Variants in PPHLN1 observed in about 807,000 individuals in gnomAD.
PPHLN1 encodes the protein periphilin-1.
PPHLN1 carries 29 observed loss-of-function variants against 51.3 expected under a neutral mutation model. The observed-to-expected ratio is 0.57, with a 90% CI of 0.42 to 0.77. The LOEUF is 0.77. Ranked by LOEUF, PPHLN1 falls within the 30% of genes least tolerant of loss-of-function variation. The pLI is 0.00. For missense variants in PPHLN1, 436 were observed against 438.4 expected (o/e 0.99, Z 0.05); for synonymous variants, 147 against 147.8 (o/e 0.99, Z 0.04).
downstream of PPHLN1, chr12:42,445,884 A>G: frequency 7.1e-7 from 1 of 1,410,464 alleles, no homozygotes. Context: ...CTGCAGTTTT[A>G]TGGAAAGATG....
intron 9 of PPHLN1, among the ~76,000 whole-genome samples, chr12:42,420,570 A>G (rs1446485560): frequency 6.6e-6 from 1 of 151,238 alleles, no homozygotes; most frequent in Non-Finnish European, 1.5e-5. Context: ...TCCCAGGTTC[A>G]AGTGATTCTC....
chr12:42,369,051 T>A (rs372198436), intron 4 of PPHLN1, among the ~76,000 whole-genome samples: 31 of 152,296 alleles, frequency 2.0e-4, no homozygotes, highest in Middle Eastern at 3.4e-3. Flanking sequence ...TAAAATTATA[T>A]TGGAACACAG....
At chr12:42,413,560 G>A (rs970551191) in intron 9 of PPHLN1, among the ~76,000 whole-genome samples, 20 of 126,288 alleles carry the variant, frequency 1.6e-4, no homozygotes, top group Non-Finnish European at 3.3e-4. Flanking sequence ...GTGTGTGTGT[G>A]TGTGTGTGTG....
At chr12:42,366,165 A>G (rs75302156) in intron 4 of PPHLN1, among the ~76,000 whole-genome samples, 2 of 152,156 alleles carry the variant, frequency 1.3e-5, no homozygotes, top group East Asian at 1.9e-4. Context: ...TACTTGCACA[A>G]AGAAAATTAT....
intron 9 of PPHLN1, among the ~76,000 whole-genome samples, chr12:42,422,452 C>G (rs1396762091): frequency 1.3e-5 from 2 of 152,210 alleles, no homozygotes; most frequent in African/African-American, 2.4e-5. Context: ...CGTACTGTTT[C>G]TTTTGGCTCT....
At position 42,326,205 on chromosome 12, in the gene PPHLN1, G is replaced by C. The variant is rs1275395973; in HGVS notation, c.-45G>C. Reference sequence around the variant, plus strand: ...GCGGCGAGCGGACGGCTGCATTTACGGGGTCTCCCGGAGGGCCAGAGTCGG... The same window carrying C: ...GCGGCGAGCGGACGGCTGCATTTACCGGGTCTCCCGGAGGGCCAGAGTCGG... On this transcript the variant is annotated 5_prime_UTR_variant, in exon 1 of 10. Coordinates refer to ENST00000358314, the MANE Select transcript of PPHLN1 (RefSeq NM_201439.2). 1 of 152,352 alleles carries C rather than the reference G, an allele frequency of 6.6e-6. No individual in the cohort carries two copies. Among genetic ancestry groups the C allele is most frequent in the Non-Finnish European group, 1.5e-5 (1 of 68,154 alleles). 9.4% of individuals were successfully genotyped at this position (152,352 alleles called of 1,614,324 possible).
chr12:42,343,249 G>C (rs11181441), intron 2 of PPHLN1, among the ~76,000 whole-genome samples: 24,666 of 151,848 alleles, frequency 0.16, 2,044 homozygotes, highest in Admixed American at 0.2. Context: ...ATCTTCACAG[G>C]CATATTTAAA....
intron 7 of PPHLN1, among the ~76,000 whole-genome samples, chr12:42,388,860 T>C (rs938713836): frequency 6.6e-6 from 1 of 152,198 alleles, no homozygotes; most frequent in East Asian, 1.9e-4. Context: ...GAGGATCACT[T>C]GAGCCCAGGA....
chr12:42,438,613 G>GT (rs1302149777), intron 9 of PPHLN1, among the ~76,000 whole-genome samples: 2 of 151,816 alleles, frequency 1.3e-5, no homozygotes, highest in African/African-American at 2.4e-5. Flanking sequence ...TTTTTGTTTT[G>GT]TTTTTTGAGA....
rs1004561872 is a variant in PPHLN1 at position 42,344,000 on chromosome 12, C to T, written c.73-7885C>T. On this transcript the variant is annotated intron_variant, in intron 2 of 9. Transcript: ENST00000358314. ...AATTACAAGCTTATGAAAGCAAAAG[C>T]CTACCAGCCTGTGTAATAGAATATT... The T allele has an allele frequency of 9.5e-5, 32 of 337,642 alleles. 1 individual carries two copies. Among genetic ancestry groups the T allele is most frequent in the African/African-American group, 5.9e-4 (26 of 44,348 alleles). 20.9% of individuals were successfully genotyped at this position (337,642 alleles called of 1,614,324 possible). A position where few individuals can be genotyped will look rare whatever the true frequency, so the allele number is the denominator to read the frequency against.
At chr12:42,421,791 ATTTTG>A (rs932709892) in intron 9 of PPHLN1, among the ~76,000 whole-genome samples, 1 of 152,074 alleles carries the variant, frequency 6.6e-6, no homozygotes, top group African/African-American at 2.4e-5. Flanking sequence ...AGTAGCTAAG[ATTTTG>A]TTGAATTTAA....
At chr12:42,389,388 TAAAC>T (rs1278920460) in intron 7 of PPHLN1, among the ~76,000 whole-genome samples, 24 of 92,738 alleles carry the variant, frequency 2.6e-4, no homozygotes, top group African/African-American at 8.1e-4. Context: ...AAAACAAAAA[TAAAC>T]AAACAAAAAA....
At chr12:42,327,827 A>G (rs1222626648) in intron 1 of PPHLN1, among the ~76,000 whole-genome samples, 1 of 152,206 alleles carries the variant, frequency 6.6e-6, no homozygotes. Context: ...TGCTGCAGAG[A>G]TCAGGCAGTT....
intron 4 of PPHLN1, among the ~76,000 whole-genome samples, chr12:42,365,374 G>A (rs936262623): frequency 2.0e-5 from 3 of 152,122 alleles, no homozygotes; most frequent in South Asian, 2.1e-4. Flanking sequence ...GAAAAATGAG[G>A]TTCAGAATAA....
chr12:42,372,662 C>T (rs2075909929), intron 4 of PPHLN1, among the ~76,000 whole-genome samples: 1 of 151,714 alleles, frequency 6.6e-6, no homozygotes, highest in Admixed American at 6.6e-5. Context: ...TTCTTTTTTT[C>T]CTTTGCTTTC....
chr12:42,411,633 G>A (rs1490743377), intron 9 of PPHLN1, among the ~76,000 whole-genome samples: 3 of 152,126 alleles, frequency 2.0e-5, no homozygotes, highest in Admixed American at 6.5e-5. Context: ...GGCTGGGCGC[G>A]GTGGCTCATG....
At chr12:42,403,087 A>T (rs761159382) in intron 9 of PPHLN1, among the ~76,000 whole-genome samples, 1 of 152,222 alleles carries the variant, frequency 6.6e-6, no homozygotes, top group Non-Finnish European at 1.5e-5. Flanking sequence ...TTGTTTTCAA[A>T]GTAGTGGCAG....
intron 9 of PPHLN1, among the ~76,000 whole-genome samples, chr12:42,401,077 A>C (rs1347784097): frequency 6.6e-6 from 1 of 152,172 alleles, no homozygotes; most frequent in Non-Finnish European, 1.5e-5. Context: ...CAGGTTTGAG[A>C]GTAATCAGAA....
chr12:42,326,936 C>T (rs2068874328), intron 1 of PPHLN1, among the ~76,000 whole-genome samples: 1 of 152,186 alleles, frequency 6.6e-6, no homozygotes, highest in Non-Finnish European at 1.5e-5. Context: ...CACAATCAAT[C>T]CAGAGTGAAG....
Sources: gnomAD v4.1 joint callset for allele counts (sites outside exome capture counted in the v4.1 genomes callset) on GRCh38, gnomAD v4.1.1 for gene constraint, MANE v1.5 for transcripts, NCBI Gene and HGNC (gene_info 2026-07-23, HGNC 2026-07-21) for gene names.